Variants in RBPMS observed in about 807,000 individuals in gnomAD.
The protein encoded by RBPMS is RNA binding protein, mRNA processing factor, also known as RNA-binding protein with multiple splicing.
In RBPMS, 7 loss-of-function variants were observed where a neutral mutation model predicts 26.8. That is an observed-to-expected ratio of 0.26 (90% CI 0.15 to 0.49). The LOEUF (loss-of-function observed/expected upper bound fraction) is 0.49. RBPMS is among the 20% of genes least tolerant of loss of function. RBPMS has a pLI of 0.98. For synonymous variants in RBPMS, 96 were observed against 93.3 expected, an observed-to-expected ratio of 1.03 and a Z score of -0.17; for missense variants, 186 against 250.0, an observed-to-expected ratio of 0.74 and a Z score of 1.73.
At chr8:30,439,531 A>G (rs569656316) in intron 1 of RBPMS, among the ~76,000 whole-genome samples, 1 of 152,336 alleles carries the variant, frequency 6.6e-6, no homozygotes, top group South Asian at 2.1e-4. Flanking sequence ...AAATCTTTTG[A>G]CATTGTGATG....
intron 4 of RBPMS, among the ~76,000 whole-genome samples, chr8:30,481,987 T>G (rs920293710): frequency 6.6e-6 from 1 of 152,218 alleles, no homozygotes; most frequent in African/African-American, 2.4e-5. Context: ...AACATCCTTT[T>G]GCTTGCTTTG....
chr8:30,469,379 C>T (rs937687037), intron 1 of RBPMS, among the ~76,000 whole-genome samples: 3 of 152,246 alleles, frequency 2.0e-5, no homozygotes, highest in East Asian at 3.8e-4. Flanking sequence ...TTTAAGAACA[C>T]GTGGCCAGTT....
rs59577795 is a variant in RBPMS at position 30,450,787 on chromosome 8, C to CAAAAAAAAAA, written c.67-23978_67-23969dup. Among the ~76,000 whole-genome samples the CAAAAAAAAAA allele has an allele frequency of 4.0e-4, 35 of 87,382 alleles. 5 individuals carry two copies. Among genetic ancestry groups the CAAAAAAAAAA allele is most frequent in the East Asian group, 1.0e-3 (3 of 2,916 alleles). 57.3% of individuals were successfully genotyped at this position (87,382 alleles called of 152,430 possible). A position where few individuals can be genotyped will look rare whatever the true frequency, so the allele number is the denominator to read the frequency against. On this transcript the variant is annotated intron_variant, in intron 1 of 8. Transcript: ENST00000397323. ...CTTTTGGTTTCCCACTGCCTGAAAGCAAAAAAAAAAAAAAAAAAAAAAAGT... is the reference window on the plus strand; with the variant it reads ...CTTTTGGTTTCCCACTGCCTGAAAGCAAAAAAAAAAAAAAAAAAAAAAAAAAAAAAAAAGT...
At chr8:30,461,518 C>T (rs889524817) in intron 1 of RBPMS, among the ~76,000 whole-genome samples, 2 of 152,190 alleles carry the variant, frequency 1.3e-5, no homozygotes, top group African/African-American at 2.4e-5. Context: ...CCTCAGCCTC[C>T]TGAGTAGCTG....
At chr8:30,566,831 T>C (rs1011823934) in intron 8 of RBPMS, among the ~76,000 whole-genome samples, 1 of 152,194 alleles carries the variant, frequency 6.6e-6, no homozygotes, top group African/African-American at 2.4e-5. Flanking sequence ...CTTAGGGACA[T>C]AGGATAATTA....
At chr8:30,520,620 G>A (rs1822929358) in intron 5 of RBPMS, among the ~76,000 whole-genome samples, 1 of 152,018 alleles carries the variant, frequency 6.6e-6, no homozygotes, top group South Asian at 2.1e-4. Context: ...TGCCCAATAC[G>A]ACCTATCACT....
chr8:30,503,675 T>G (rs1354154680), intron 4 of RBPMS, among the ~76,000 whole-genome samples: 3 of 152,092 alleles, frequency 2.0e-5, no homozygotes, highest in Non-Finnish European at 4.4e-5. Flanking sequence ...ACTGTGTTCT[T>G]AGGAGACTCG....
chr8:30,499,037 A>G (rs2150913698), intron 4 of RBPMS, among the ~76,000 whole-genome samples: 1 of 152,348 alleles, frequency 6.6e-6, no homozygotes, highest in East Asian at 1.9e-4. Context: ...ATAGAGCTAA[A>G]TATAAGTCTG....
chr8:30,550,654 T>TGA (rs1826278463), intron 6 of RBPMS, among the ~76,000 whole-genome samples: 1 of 152,138 alleles, frequency 6.6e-6, no homozygotes, highest in African/African-American at 2.4e-5. Context: ...GGCATTGCAG[T>TGA]GAGAGCACCA....
intron 4 of RBPMS, among the ~76,000 whole-genome samples, chr8:30,490,625 A>G (rs1219836355): frequency 6.6e-6 from 1 of 152,060 alleles, no homozygotes; most frequent in Admixed American, 6.5e-5. Flanking sequence ...ACGCCCGGCT[A>G]ATTTTTTGTA....
intron 6 of RBPMS, chr8:30,556,207 G>A (rs565601949): frequency 8.4e-4 from 829 of 985,436 alleles, no homozygotes; most frequent in Non-Finnish European, 9.4e-4. Context: ...ACTCTGAGGA[G>A]CAGCCACCTA....
chr8:30,492,661 C>T (rs1436188159), intron 4 of RBPMS, among the ~76,000 whole-genome samples: 2 of 152,064 alleles, frequency 1.3e-5, no homozygotes, highest in Non-Finnish European at 2.9e-5. Flanking sequence ...AAAAAAAATA[C>T]AAGCTACTTT....
In RBPMS at chr8:30,384,821, A is replaced by C; in HGVS notation, c.-272A>C. The C allele has an allele frequency of 1.8e-5, 5 of 285,058 alleles. No individual in the cohort carries two copies. The highest frequency in any genetic ancestry group is 1.9e-5 in the Non-Finnish European group (3 of 157,604). 17.7% of individuals were successfully genotyped at this position (285,058 alleles called of 1,614,324 possible). On this transcript the variant is annotated 5_prime_UTR_variant, in exon 1 of 9. Coordinates refer to ENST00000397323, the MANE Select transcript of RBPMS (RefSeq NM_001008710.3). This position sits in a 1 kb window ranked among gnomAD's most constrained non-coding sequence, Gnocchi z 5.6. Reference sequence around the variant, plus strand: ...CTCCAGGTCGCCCTCCCGGGGCCCGATTGTCTCGGTGCCCCGCTCCCGGCC... The same window carrying C: ...CTCCAGGTCGCCCTCCCGGGGCCCGCTTGTCTCGGTGCCCCGCTCCCGGCC...
intron 6 of RBPMS, chr8:30,547,354 A>G (rs748900963): frequency 1.2e-6 from 2 of 1,613,756 alleles, no homozygotes; most frequent in Non-Finnish European, 1.7e-6. Context: ...AGCAAATTAG[A>G]TTTGTCTCTG....
chr8:30,450,534 G>C lies in RBPMS; in HGVS notation c.67-24245G>C, dbSNP rs1462674319. ...CTGTGATACTGACTGGCAGCTCCCAGGTCATGAGCAAATGGCAACCTTGGT... is the reference window on the plus strand; with the variant it reads ...CTGTGATACTGACTGGCAGCTCCCACGTCATGAGCAAATGGCAACCTTGGT... On this transcript the variant is annotated intron_variant, in intron 1 of 8. Coordinates refer to ENST00000397323, the MANE Select transcript of RBPMS (RefSeq NM_001008710.3). Among the ~76,000 whole-genome samples, 4 of 152,176 alleles carry C rather than the reference G, an allele frequency of 2.6e-5. No individual in the cohort carries two copies. The East Asian group carries it at 7.7e-4, about 29-fold the overall frequency.
intron 1 of RBPMS, among the ~76,000 whole-genome samples, chr8:30,464,781 T>C (rs1227615224): frequency 2.0e-5 from 3 of 152,190 alleles, no homozygotes; most frequent in South Asian, 2.1e-4. Context: ...TCTTAGAATT[T>C]TGATAAGATC....
At chr8:30,389,086 A>G (rs1478420184) in intron 1 of RBPMS, among the ~76,000 whole-genome samples, 2 of 152,236 alleles carry the variant, frequency 1.3e-5, no homozygotes, top group Non-Finnish European at 2.9e-5. Flanking sequence ...TTCATTGAGC[A>G]TTAAAGTCAA....
chr8:30,558,669 C>G, intron 6 of RBPMS: 1 of 614,968 alleles, frequency 1.6e-6, no homozygotes, highest in South Asian at 1.9e-5. Context: ...GGGTGCTTTC[C>G]TCAGAGAGCT....
chr8:30,555,836 G>A, intron 6 of RBPMS: 1 of 978,350 alleles, frequency 1.0e-6, no homozygotes, highest in Non-Finnish European at 1.2e-6. Flanking sequence ...AGAACAAGCA[G>A]CCCGAATGGG....
Sources: gnomAD v4.1 joint callset for allele counts (sites outside exome capture counted in the v4.1 genomes callset) on GRCh38, gnomAD v4.1.1 for gene constraint, Gnocchi (gnomAD v3.1) non-coding constraint, MANE v1.5 for transcripts, NCBI Gene and HGNC (gene_info 2026-07-23, HGNC 2026-07-21) for gene names.